Variants in SHTN1 observed in about 807,000 individuals in gnomAD.
The protein encoded by SHTN1 is shootin-1.
SHTN1 carries 42 observed loss-of-function variants against 83.1 expected under a neutral mutation model. The observed-to-expected ratio is 0.51, with a 90% CI of 0.39 to 0.65. SHTN1 has a LOEUF of 0.65. Ranked by LOEUF, SHTN1 falls within the 30% of genes least tolerant of loss-of-function variation. SHTN1 has a pLI of 0.00. For missense variants in SHTN1, 622 were observed against 737.8 expected, an observed-to-expected ratio of 0.84 and a Z score of 1.82; for synonymous variants, 224 against 247.7, an observed-to-expected ratio of 0.90 and a Z score of 0.90.
At position 116,883,659 on chromosome 10, in the gene SHTN1, G is replaced by GTAC. The variant is rs1352362164; in HGVS notation, c.*2682_*2684dup. ...AGACAATTAAAAATAATTGTTACCTGTACTACTCCATTTCCAGCAGTTTAC... is the reference window on the plus strand; with the variant it reads ...AGACAATTAAAAATAATTGTTACCTGTACTACTACTCCATTTCCAGCAGTTTAC... On this transcript the variant is annotated 3_prime_UTR_variant, in exon 17 of 17. Transcript: ENST00000355371. 6.5e-6 allele frequency: 1 copy of GTAC among 153,528 alleles called. No homozygotes were observed. Among genetic ancestry groups the GTAC allele is most frequent in the African/African-American group, 2.4e-5 (1 of 41,438 alleles). 9.5% of individuals were successfully genotyped at this position (153,528 alleles called of 1,614,324 possible). A position where few individuals can be genotyped will look rare whatever the true frequency, so the allele number is the denominator to read the frequency against.
rs566519725 is a variant in SHTN1, at chr10:116,949,747, TTGAACTC to T, written c.535-757_535-751del. Among the ~76,000 whole-genome samples the T allele has an allele frequency of 1.1e-4, 16 of 152,276 alleles. No homozygotes were observed. In the East Asian group the frequency reaches 1.7e-3, roughly 17 times the overall value. On this transcript the variant is annotated intron_variant, in intron 6 of 16. Transcript: ENST00000355371. ...GAACATGAACTTTTAAAATAAGACT[TTGAACTC>T]TGATGACTCTTGGCTTAAATAAAAC...
chr10:116,927,204 C>T (rs932501975), intron 11 of SHTN1, among the ~76,000 whole-genome samples: 10 of 152,208 alleles, frequency 6.6e-5, no homozygotes, highest in African/African-American at 2.2e-4. Flanking sequence ...ATTAGCAAGA[C>T]AGAAAAGTAA....
Position 117,117,114 on chromosome 10 carries a change from A to T in SHTN1, c.-189+9193T>A, listed in dbSNP as rs574314727. On this transcript the variant is annotated intron_variant, in intron 1 of 17. Transcript: ENST00000392901. ...TCCAGATAGGAAAAGAAGAAGTCAA[A>T]CTATCCTTGTTTGCAGGCAACATTG... Among the ~76,000 whole-genome samples, 32 of 152,274 alleles carry T rather than the reference A, an allele frequency of 2.1e-4. 1 individual carries two copies. The South Asian group carries it at 6.0e-3, about 29-fold the overall frequency.
At chr10:116,941,945 T>C (rs1375581682) in intron 8 of SHTN1, among the ~76,000 whole-genome samples, 1 of 152,248 alleles carries the variant, frequency 6.6e-6, no homozygotes, top group African/African-American at 2.4e-5. Context: ...AGGGTTCTTC[T>C]GCAGAATTAA....
At chr10:117,088,242 A>G (rs1272310641) in intron 1 of SHTN1, among the ~76,000 whole-genome samples, 3 of 152,238 alleles carry the variant, frequency 2.0e-5, no homozygotes, top group African/African-American at 7.2e-5. Context: ...GGAATACACA[A>G]AACAAACCTC....
At chr10:117,099,654 T>C (rs1853560094) in intron 1 of SHTN1, among the ~76,000 whole-genome samples, 1 of 152,110 alleles carries the variant, frequency 6.6e-6, no homozygotes, top group African/African-American at 2.4e-5. Context: ...TAGAGAGAAG[T>C]GAAGTTAAAA....
chr10:117,114,769 A>T (rs889469299), intron 1 of SHTN1, among the ~76,000 whole-genome samples: 2 of 152,226 alleles, frequency 1.3e-5, no homozygotes, highest in African/African-American at 4.8e-5. Context: ...TGAAGAGTTA[A>T]CACACCTCTC....
intron 11 of SHTN1, among the ~76,000 whole-genome samples, chr10:116,927,341 C>G (rs1848777482): frequency 6.6e-6 from 1 of 152,084 alleles, no homozygotes. Context: ...TCTCATGCTG[C>G]TAATAAAGAT....
intron 1 of SHTN1, among the ~76,000 whole-genome samples, chr10:117,102,552 CTGTCCTAG>C (rs1287340670): frequency 6.6e-6 from 1 of 152,108 alleles, no homozygotes; most frequent in African/African-American, 2.4e-5. Context: ...CTCCAGCTTC[CTGTCCTAG>C]TGTTTTCTTG....
chr10:117,025,229 G>A (rs542513988), intron 2 of SHTN1, among the ~76,000 whole-genome samples: 3 of 152,302 alleles, frequency 2.0e-5, no homozygotes, highest in South Asian at 4.1e-4. Flanking sequence ...GGCAGCAGAG[G>A]TGTGGTGCAG....
chr10:117,110,924 T>A (rs1476028633), intron 1 of SHTN1, among the ~76,000 whole-genome samples: 5 of 152,102 alleles, frequency 3.3e-5, no homozygotes, highest in African/African-American at 1.2e-4. Flanking sequence ...TGGCTGGGTG[T>A]AATGGCTCAT....
chr10:117,046,885 T>C (rs1028011253), intron 2 of SHTN1, among the ~76,000 whole-genome samples: 2 of 152,090 alleles, frequency 1.3e-5, no homozygotes, highest in African/African-American at 4.8e-5. Flanking sequence ...GTATGGGGTT[T>C]CTTTCTGGGA....
intron 11 of SHTN1, among the ~76,000 whole-genome samples, chr10:116,925,095 C>T (rs1848698916): frequency 6.6e-6 from 1 of 152,132 alleles, no homozygotes; most frequent in African/African-American, 2.4e-5. Flanking sequence ...GTCATGTCCA[C>T]TGTGATAGTT....
intron 4 of SHTN1, among the ~76,000 whole-genome samples, chr10:116,957,730 A>G (rs572186342): frequency 1.3e-5 from 2 of 152,276 alleles, no homozygotes; most frequent in Admixed American, 6.5e-5. Context: ...TAATCTACAC[A>G]TTTTAGCAAA....
chr10:117,035,992 C>A (rs2133576367), intron 2 of SHTN1, among the ~76,000 whole-genome samples: 1 of 144,650 alleles, frequency 6.9e-6, no homozygotes, highest in South Asian at 2.3e-4. Context: ...ATCGACATTT[C>A]TCAGAAGAAG....
intron 12 of SHTN1, among the ~76,000 whole-genome samples, chr10:116,921,054 C>T (rs1848546320): frequency 6.6e-6 from 1 of 152,170 alleles, no homozygotes; most frequent in African/African-American, 2.4e-5. Flanking sequence ...TCGTGTACCT[C>T]CAGCACACAA....
At chr10:117,051,999 C>A in intron 1 of SHTN1, among the ~76,000 whole-genome samples, 1 of 34,124 alleles carries the variant, frequency 2.9e-5, no homozygotes, top group African/African-American at 8.4e-5. Flanking sequence ...ATGACATAAT[C>A]ATATATATAT....
intron 1 of SHTN1, among the ~76,000 whole-genome samples, chr10:117,099,454 C>A (rs2133627619): frequency 6.6e-6 from 1 of 152,226 alleles, no homozygotes; most frequent in Non-Finnish European, 1.5e-5. Flanking sequence ...GGAGGCCTAG[C>A]ATCTACCAAT....
At chr10:116,948,203 G>T (rs1325588693) in intron 7 of SHTN1, among the ~76,000 whole-genome samples, 3 of 152,192 alleles carry the variant, frequency 2.0e-5, no homozygotes, top group Non-Finnish European at 4.4e-5. Context: ...CCCGATGAGA[G>T]CTGATGCTGT....
Sources: gnomAD v4.1 joint callset for allele counts (sites outside exome capture counted in the v4.1 genomes callset) on GRCh38, gnomAD v4.1.1 for gene constraint, MANE v1.5 for transcripts, NCBI Gene and HGNC (gene_info 2026-07-23, HGNC 2026-07-21) for gene names.